Variants in LSAMP observed in about 807,000 individuals in gnomAD.
LSAMP encodes the protein limbic system-associated membrane protein.
Under a neutral mutation model 38.6 loss-of-function variants are expected in LSAMP, and 7 were observed. The observed-to-expected ratio is 0.18, with a 90% CI of 0.10 to 0.34. The LOEUF is 0.34. Among genes scored for constraint, LSAMP ranks in the 10% least tolerant of loss-of-function variants. LSAMP has a pLI of 1.00. For synonymous variants in LSAMP, 154 were observed against 166.8 expected (o/e 0.92, Z 0.59); for missense variants, 313 against 420.0 (o/e 0.75, Z 2.23).
intron 1 of LSAMP, among the ~76,000 whole-genome samples, chr3:116,284,146 A>G (rs569194869): frequency 5.9e-4 from 90 of 152,206 alleles, no homozygotes; most frequent in Non-Finnish European, 1.2e-3. Context: ...GACTTCTAAA[A>G]TTGAAGATGG....
At chr3:116,250,270 T>A (rs2046662695) in intron 1 of LSAMP, among the ~76,000 whole-genome samples, 1 of 152,226 alleles carries the variant, frequency 6.6e-6, no homozygotes, top group Admixed American at 6.5e-5. Flanking sequence ...TAAGGTAACA[T>A]ATTTTTTTTG....
chr3:116,119,045 G>T (rs1448412753), intron 1 of LSAMP, among the ~76,000 whole-genome samples: 1 of 152,086 alleles, frequency 6.6e-6, no homozygotes, highest in East Asian at 1.9e-4. Flanking sequence ...TTTAGTAATA[G>T]ATTTATAGCA....
chr3:116,442,573 TAAG>T (rs1306054941), intron 1 of LSAMP, among the ~76,000 whole-genome samples: 4 of 152,134 alleles, frequency 2.6e-5, no homozygotes, highest in Non-Finnish European at 5.9e-5. Context: ...GAAGGTCAGC[TAAG>T]AAGACAAAGG....
At chr3:115,823,642 T>TA (rs946363848) in intron 6 of LSAMP, among the ~76,000 whole-genome samples, 9 of 152,200 alleles carry the variant, frequency 5.9e-5, no homozygotes, top group Admixed American at 3.3e-4. Context: ...TGCATTTTTT[T>TA]AAAAAAAACC....
intron 1 of LSAMP, among the ~76,000 whole-genome samples, chr3:116,326,325 G>A (rs952868329): frequency 6.6e-6 from 1 of 152,010 alleles, no homozygotes; most frequent in Admixed American, 6.6e-5. Flanking sequence ...TAACATAATT[G>A]TTTTTCCTGG....
At chr3:116,019,669 T>C in intron 2 of LSAMP, 29 bp from the exon 3 acceptor site, 1 of 1,605,062 alleles carries the variant, frequency 6.2e-7, no homozygotes, top group Non-Finnish European at 8.5e-7. Context: ...ATGGAATATG[T>C]AACCATGTCA....
intron 1 of LSAMP, among the ~76,000 whole-genome samples, chr3:116,153,378 G>A (rs539326487): frequency 1.2e-3 from 188 of 152,156 alleles, no homozygotes; most frequent in African/African-American, 4.3e-3. Context: ...AGCTTTGCAG[G>A]GTTTCTCCTG....
intron 1 of LSAMP, among the ~76,000 whole-genome samples, chr3:116,194,331 G>A (rs748635325): frequency 6.6e-6 from 1 of 152,094 alleles, no homozygotes; most frequent in Non-Finnish European, 1.5e-5. Context: ...AATTTCTCCC[G>A]TGGATCCCAA....
At chr3:116,021,783 G>T (rs2107690393) in intron 2 of LSAMP, among the ~76,000 whole-genome samples, 1 of 150,584 alleles carries the variant, frequency 6.6e-6, no homozygotes, top group South Asian at 2.1e-4. Flanking sequence ...ACTACCTGTG[G>T]TGCAATTGAC....
intron 1 of LSAMP, among the ~76,000 whole-genome samples, chr3:116,126,162 G>C (rs1709004326): frequency 6.6e-6 from 1 of 152,174 alleles, no homozygotes. Context: ...TGACCAAACA[G>C]GAAAGCTCAA....
At chr3:116,063,312 AAC>A (rs1258739969) in intron 2 of LSAMP, among the ~76,000 whole-genome samples, 2 of 152,196 alleles carry the variant, frequency 1.3e-5, no homozygotes, top group Non-Finnish European at 2.9e-5. Context: ...ATAGTACTTT[AAC>A]AGTTAAGCTT....
At chr3:116,425,419 C>G (rs1019318418) in intron 1 of LSAMP, among the ~76,000 whole-genome samples, 1 of 152,124 alleles carries the variant, frequency 6.6e-6, no homozygotes, top group African/African-American at 2.4e-5. Flanking sequence ...CCAGGCAACA[C>G]GTGGAACATG....
intron 1 of LSAMP, among the ~76,000 whole-genome samples, chr3:116,141,658 T>G (rs2107515879): frequency 6.6e-6 from 1 of 151,996 alleles, no homozygotes. Flanking sequence ...GTCAGCCTAG[T>G]GTACATGCCA....
intron 1 of LSAMP, among the ~76,000 whole-genome samples, chr3:116,178,178 ATTTAT>A (rs1203365510): frequency 6.6e-6 from 1 of 151,786 alleles, no homozygotes; most frequent in Non-Finnish European, 1.5e-5. Flanking sequence ...CTTAATTTTT[ATTTAT>A]TTTGACAGGG....
intron 1 of LSAMP, among the ~76,000 whole-genome samples, chr3:116,260,006 C>T (rs2046804172): frequency 1.3e-5 from 2 of 152,226 alleles, no homozygotes; most frequent in South Asian, 4.1e-4. Flanking sequence ...TCTTTCTTCT[C>T]AATATTCCCC....
chr3:115,819,043 G>C (rs992250892), intron 6 of LSAMP, among the ~76,000 whole-genome samples: 4 of 151,172 alleles, frequency 2.6e-5, no homozygotes, highest in Admixed American at 2.6e-4. Context: ...CCAGCTACTC[G>C]GGAAGCTGAG....
intron 3 of LSAMP, among the ~76,000 whole-genome samples, chr3:115,988,999 G>A (rs1239646530): frequency 6.6e-6 from 1 of 151,978 alleles, no homozygotes; most frequent in African/African-American, 2.4e-5. Context: ...TTTTCTAAAT[G>A]AGAGGAGCAT....
intron 2 of LSAMP, among the ~76,000 whole-genome samples, chr3:116,038,008 T>A (rs561750718): frequency 6.6e-6 from 1 of 152,174 alleles, no homozygotes; most frequent in South Asian, 2.1e-4. Context: ...ATAAAAGATA[T>A]GAGTGTGATC....
intron 1 of LSAMP, among the ~76,000 whole-genome samples, chr3:116,143,610 A>T (rs983093938): frequency 6.6e-6 from 1 of 151,978 alleles, no homozygotes; most frequent in Non-Finnish European, 1.5e-5. Flanking sequence ...TCACAAAATT[A>T]AAAGTCTACT....
Sources: allele counts gnomAD v4.1 joint callset (sites outside exome capture counted in the v4.1 genomes callset), GRCh38; gene constraint gnomAD v4.1.1; transcripts MANE v1.5; gene names NCBI Gene and HGNC (gene_info 2026-07-23, HGNC 2026-07-21).